The following DCDC1 variants were observed in gnomAD, a reference collection of about 807,000 sequenced individuals.
The protein encoded by DCDC1 is doublecortin domain containing 1.
In DCDC1, 200 loss-of-function variants were observed where a neutral mutation model predicts 178.3. The ratio of observed to expected loss-of-function variants is 1.12; its 90% CI spans 1.00 to 1.26. The LOEUF (loss-of-function observed/expected upper bound fraction) is 1.26, where lower values mean the gene tolerates loss of function less well. Ranked by LOEUF, DCDC1 falls within the 50% of genes most tolerant of loss-of-function variation. The pLI, the probability that DCDC1 is intolerant of heterozygous loss-of-function variation, is 0.00. For missense variants in DCDC1, 1,983 were observed against 1,749.2 expected (o/e 1.13, Z -2.38); for synonymous variants, 690 against 604.8 (o/e 1.14, Z -2.07).
chr11:31,137,590 T>C, intron 10 of DCDC1, 102 bp downstream of exon 10: 2 of 587,878 alleles, frequency 3.4e-6, no homozygotes, highest in South Asian at 4.1e-5. Flanking sequence ...CCTTGTGATC[T>C]TCCCGCCTCG....
chr11:31,098,489 G>A (rs1958295674), intron 15 of DCDC1, among the ~76,000 whole-genome samples: 1 of 152,164 alleles, frequency 6.6e-6, no homozygotes. Context: ...CTGTAGGAAA[G>A]GTTCTACTTG....
At chr11:31,209,598 T>A (rs1972262448) in intron 9 of DCDC1, among the ~76,000 whole-genome samples, 1 of 152,338 alleles carries the variant, frequency 6.6e-6, no homozygotes, top group East Asian at 1.9e-4. Context: ...ATGGTTGACA[T>A]ATCTCAGAGG....
chr11:31,064,146 T>C (rs1262139374), intron 20 of DCDC1, among the ~76,000 whole-genome samples: 2 of 152,176 alleles, frequency 1.3e-5, no homozygotes, highest in Admixed American at 6.5e-5. Flanking sequence ...TCAACATAGC[T>C]TGGTATTTTA....
At chr11:31,103,179 A>T (rs1005943936) in intron 14 of DCDC1, among the ~76,000 whole-genome samples, 4 of 152,230 alleles carry the variant, frequency 2.6e-5, no homozygotes, top group African/African-American at 9.6e-5. Context: ...GCAGAGACGA[A>T]GCAAAATGCC....
chr11:31,116,784 TG>T (rs1960029256), intron 11 of DCDC1, among the ~76,000 whole-genome samples: 1 of 152,156 alleles, frequency 6.6e-6, no homozygotes, highest in African/African-American at 2.4e-5. Context: ...CACTAAATTT[TG>T]TCCCAGGAAA....
intron 30 of DCDC1, 28 bp from the exon 31 acceptor site, chr11:30,905,192 T>C (rs1179007675): frequency 6.5e-7 from 1 of 1,547,050 alleles, no homozygotes; most frequent in Non-Finnish European, 8.7e-7. Flanking sequence ...AAATTGTACA[T>C]TTACTCAAAC....
At chr11:31,083,083 A>G (rs1957285538) in intron 17 of DCDC1, among the ~76,000 whole-genome samples, 1 of 152,204 alleles carries the variant, frequency 6.6e-6, no homozygotes, top group Non-Finnish European at 1.5e-5. Flanking sequence ...GATTGTATGT[A>G]AAGGAGTCCT....
At chr11:30,915,388 C>G in intron 27 of DCDC1, 123 bp downstream of exon 27, 1 of 998,490 alleles carries the variant, frequency 1.0e-6, no homozygotes, top group Non-Finnish European at 1.5e-6. Context: ...GAATTATCAG[C>G]TAAGTTAAAT....
intron 9 of DCDC1, among the ~76,000 whole-genome samples, chr11:31,165,625 T>TA (rs1250598463): frequency 6.6e-6 from 1 of 152,244 alleles, no homozygotes; most frequent in Non-Finnish European, 1.5e-5. Flanking sequence ...GCCATTTTTT[T>TA]AATTTAATTT....
rs747527310 is a variant in DCDC1 at position 30,906,585 on chromosome 11, C to T, written c.4059G>A (p.Gln1353=). The T allele has an allele frequency of 4.3e-6, 7 of 1,613,294 alleles. No individual in the cohort carries two copies. The Admixed American group carries it at 1.0e-4, about 23-fold the overall frequency. Residue 1353 remains glutamine, a synonymous_variant, in exon 30 of 39, where the codon CAG becomes CAA. Coordinates refer to ENST00000684477, the MANE Select transcript of DCDC1 (RefSeq NM_001387274.1). Reference sequence around the variant, plus strand: ...TGAAGGGCCCTTGTAAGAAGGGCTTCTGAGTCTTGGTGCCTGAAATACAGA... The same window carrying T: ...TGAAGGGCCCTTGTAAGAAGGGCTTTTGAGTCTTGGTGCCTGAAATACAGA... ...PFLCISGTKT[Q]KPFLQGPFKV...
At chr11:31,137,158 G>C (rs1005070669) in intron 10 of DCDC1, among the ~76,000 whole-genome samples, 40 of 151,982 alleles carry the variant, frequency 2.6e-4, no homozygotes, top group African/African-American at 8.9e-4. Flanking sequence ...ATATTCATGA[G>C]ACTTTTTTCA....
chr11:30,895,836 A>G (rs144461039), intron 34 of DCDC1, among the ~76,000 whole-genome samples: 9 of 152,350 alleles, frequency 5.9e-5, no homozygotes, highest in Non-Finnish European at 1.3e-4. Flanking sequence ...CTCTATTTAT[A>G]GAGTGCAGAT....
chr11:31,311,467 A>C (rs1948769572), intron 3 of DCDC1, among the ~76,000 whole-genome samples: 1 of 152,240 alleles, frequency 6.6e-6, no homozygotes, highest in African/African-American at 2.4e-5. Context: ...CATACAATTT[A>C]AATTTCTGTC....
chr11:31,001,878 G>T (rs771444495), intron 20 of DCDC1, among the ~76,000 whole-genome samples: 1 of 152,208 alleles, frequency 6.6e-6, no homozygotes, highest in Non-Finnish European at 1.5e-5. Context: ...AGATATTAAA[G>T]AATCAGCAAC....
chr11:31,230,152 A>G (rs922556451), intron 9 of DCDC1, among the ~76,000 whole-genome samples: 5 of 152,166 alleles, frequency 3.3e-5, no homozygotes, highest in African/African-American at 9.7e-5. Context: ...TAATTTCAGC[A>G]AAGTTGCAGG....
At chr11:31,190,326 A>G (rs1273657449) in intron 9 of DCDC1, among the ~76,000 whole-genome samples, 1 of 152,182 alleles carries the variant, frequency 6.6e-6, no homozygotes, top group Admixed American at 6.6e-5. Context: ...AGGTCACACA[A>G]TTATAAATAA....
intron 9 of DCDC1, among the ~76,000 whole-genome samples, chr11:31,169,406 G>A (rs1458482141): frequency 6.6e-6 from 1 of 152,082 alleles, no homozygotes; most frequent in Non-Finnish European, 1.5e-5. Context: ...GGGGAAACTG[G>A]GGATATAGAT....
At position 31,094,053 on chromosome 11, in the gene DCDC1, G is replaced by A; in HGVS notation, c.2115C>T (p.Thr705=). Residue 705 remains threonine, a synonymous_variant, in exon 16 of 39, where the codon ACC becomes ACT. Coordinates refer to ENST00000684477, the MANE Select transcript of DCDC1 (RefSeq NM_001387274.1). ...AAAAGCAGACACTCTTAGGTACCTT[G>A]GTGATCAGCCACACACTGGCTACAG... ...LWPVASVWLI[T]KTGMILSRAI... is the part of the protein sequence containing the mutation. 1.3e-6 allele frequency: 1 copy of A among 766,070 alleles called. No individual in the cohort carries two copies. The highest frequency in any genetic ancestry group is 1.3e-5 in the South Asian group (1 of 74,596). 47.5% of individuals were successfully genotyped at this position (766,070 alleles called of 1,614,324 possible). A position where few individuals can be genotyped will look rare whatever the true frequency, so the allele number is the denominator to read the frequency against.
chr11:31,324,338 A>G (rs1446284836), intron 3 of DCDC1, among the ~76,000 whole-genome samples: 1 of 152,068 alleles, frequency 6.6e-6, no homozygotes, highest in Non-Finnish European at 1.5e-5. Flanking sequence ...TTACTTGTGT[A>G]AAAGTATACA....
Sources: allele counts gnomAD v4.1 joint callset (sites outside exome capture counted in the v4.1 genomes callset), GRCh38; gene constraint gnomAD v4.1.1; transcripts MANE v1.5; gene names NCBI Gene and HGNC (gene_info 2026-07-23, HGNC 2026-07-21).